Variants in FCHSD2 observed in about 807,000 individuals in gnomAD.
FCHSD2 encodes the protein FCH and double SH3 domains 2, also known as F-BAR and double SH3 domains protein 2.
FCHSD2 carries 38 observed loss-of-function variants against 108.1 expected under a neutral mutation model. The ratio of observed to expected loss-of-function variants is 0.35; its 90% CI spans 0.27 to 0.46. FCHSD2 has a LOEUF of 0.46. Ranked by LOEUF, FCHSD2 falls within the 20% of genes least tolerant of loss-of-function variation. The pLI is 1.00. For missense variants in FCHSD2, 751 were observed against 897.8 expected (o/e 0.84, Z 2.09); for synonymous variants, 279 against 314.7 (o/e 0.89, Z 1.20).
chr11:73,005,902 CT>C (rs56872243), intron 4 of FCHSD2, among the ~76,000 whole-genome samples: 6,134 of 125,648 alleles, frequency 0.049, 190 homozygotes, highest in African/African-American at 0.094. Flanking sequence ...TATTCCTAAA[CT>C]TTTTTTTTTT....
intron 3 of FCHSD2, among the ~76,000 whole-genome samples, chr11:73,023,502 T>C (rs1327459765): frequency 3.3e-5 from 5 of 152,192 alleles, no homozygotes; most frequent in African/African-American, 2.4e-5. Context: ...TACACATGTA[T>C]TAGAATGCTA....
At chr11:73,038,849 T>C (rs1858562417) in intron 3 of FCHSD2, among the ~76,000 whole-genome samples, 1 of 152,106 alleles carries the variant, frequency 6.6e-6, no homozygotes, top group Non-Finnish European at 1.5e-5. Context: ...AAAATAAAAG[T>C]TGAAAAAAAA....
rs74593893 is a variant in FCHSD2, at chr11:72,897,751, C to T, written c.924+4792G>A. Among the ~76,000 whole-genome samples, 140 of 152,290 alleles carry T rather than the reference C, an allele frequency of 9.2e-4. 1 individual carries two copies. The highest frequency in any genetic ancestry group is 2.1e-3 in the South Asian group (10 of 4,828). On this transcript the variant is annotated intron_variant, in intron 10 of 19. Transcript: ENST00000409418. Reference sequence around the variant, plus strand: ...TGATCCATGTGTCAGCTGAATGACTCTAACATTGAGATCCTAATAAATGTG... The same window carrying T: ...TGATCCATGTGTCAGCTGAATGACTTTAACATTGAGATCCTAATAAATGTG...
At chr11:72,917,486 G>GT (rs1855897413) in intron 9 of FCHSD2, among the ~76,000 whole-genome samples, 1 of 152,106 alleles carries the variant, frequency 6.6e-6, no homozygotes. Flanking sequence ...CTTTACTACT[G>GT]TAACTTTATA....
chr11:72,932,210 G>C (rs556337846), intron 8 of FCHSD2, among the ~76,000 whole-genome samples: 1 of 152,034 alleles, frequency 6.6e-6, no homozygotes, highest in Admixed American at 6.6e-5. Context: ...CCCTCCTCCT[G>C]ATCTCCACAG....
intron 2 of FCHSD2, among the ~76,000 whole-genome samples, chr11:73,090,257 G>A (rs1478929081): frequency 8.6e-6 from 1 of 115,640 alleles, no homozygotes; most frequent in Non-Finnish European, 1.6e-5. Flanking sequence ...ACGGAGTCTC[G>A]CTCTGTCGCC....
intron 3 of FCHSD2, chr11:73,077,610 T>C: frequency 2.3e-6 from 1 of 434,038 alleles, no homozygotes; most frequent in South Asian, 1.7e-5. Context: ...AAAACAGAAA[T>C]AACTCACATG....
intron 8 of FCHSD2, among the ~76,000 whole-genome samples, chr11:72,951,385 T>C (rs1386044099): frequency 1.3e-5 from 2 of 152,186 alleles, no homozygotes; most frequent in East Asian, 1.9e-4. Context: ...ATCTGGCATA[T>C]GATAACACAG....
intron 4 of FCHSD2, among the ~76,000 whole-genome samples, chr11:73,012,842 CA>C (rs1292554623): frequency 6.6e-6 from 1 of 152,116 alleles, no homozygotes; most frequent in African/African-American, 2.4e-5. Context: ...TTGACAAACA[CA>C]AAAAACAAAA....
intron 2 of FCHSD2, among the ~76,000 whole-genome samples, chr11:73,127,022 T>C (rs1189466792): frequency 6.6e-6 from 1 of 152,176 alleles, no homozygotes. Context: ...TGGGATGGAA[T>C]AAGACTCTGT....
At chr11:72,979,406 A>G (rs1326984570) in intron 8 of FCHSD2, among the ~76,000 whole-genome samples, 1 of 152,194 alleles carries the variant, frequency 6.6e-6, no homozygotes, top group East Asian at 1.9e-4. Context: ...TAATAATGGG[A>G]AGTTCCAGAA....
chr11:73,087,212 A>T (rs761184907), intron 2 of FCHSD2, among the ~76,000 whole-genome samples: 1 of 152,216 alleles, frequency 6.6e-6, no homozygotes, highest in Non-Finnish European at 1.5e-5. Flanking sequence ...AAAAAATTTT[A>T]AAAGTACAAA....
At chr11:73,111,102 A>G (rs1860473445) in intron 2 of FCHSD2, among the ~76,000 whole-genome samples, 1 of 152,124 alleles carries the variant, frequency 6.6e-6, no homozygotes, top group South Asian at 2.1e-4. Context: ...CATATGGTCT[A>G]TGCTTGAGAA....
intron 2 of FCHSD2, among the ~76,000 whole-genome samples, chr11:73,113,767 G>A (rs1860546139): frequency 2.6e-5 from 4 of 152,180 alleles, no homozygotes; most frequent in Admixed American, 2.6e-4. Flanking sequence ...GAAGAAACTT[G>A]GGTGTTGTAA....
chr11:72,957,065 G>T (rs1856726759), intron 8 of FCHSD2, among the ~76,000 whole-genome samples: 1 of 150,664 alleles, frequency 6.6e-6, no homozygotes, highest in Admixed American at 6.6e-5. Flanking sequence ...TAAGTTTTAG[G>T]GTACATGTGC....
chr11:72,868,617 G>A (rs1363033599), intron 12 of FCHSD2, among the ~76,000 whole-genome samples: 2 of 152,090 alleles, frequency 1.3e-5, no homozygotes, highest in African/African-American at 4.8e-5. Flanking sequence ...CTTGAACCCA[G>A]GAAGGGGAAG....
Position 73,142,039 on chromosome 11 carries a change from A to G in FCHSD2, c.-162T>C. 1.6e-6 allele frequency: 1 copy of G among 628,746 alleles called. No homozygotes were observed. Among genetic ancestry groups the G allele is most frequent in the African/African-American group, 1.9e-5 (1 of 52,446 alleles). The allele number at this position is 628,746 out of a possible 1,614,324, so 38.9% of individuals were successfully genotyped here. On this transcript the variant is annotated 5_prime_UTR_variant, in exon 1 of 20. Transcript: ENST00000409418. ...CGGAGGGAGCAGGCCAGCGGGCGGC[A>G]GGCGGACCCCAGCCAGAGAGCGAGT...
At chr11:72,887,635 A>C in intron 11 of FCHSD2, 61 bp from the exon 12 acceptor site, 1 of 1,057,432 alleles carries the variant, frequency 9.5e-7, no homozygotes, top group Middle Eastern at 2.1e-4. Context: ...TCCTTAAGTG[A>C]TTAAAGTATT....
Position 73,015,972 on chromosome 11 carries a change from C to A in FCHSD2, c.166-87G>T, listed in dbSNP as rs1182192704. On this transcript the variant is annotated intron_variant, in intron 3 of 19. Coordinates refer to ENST00000409418, the MANE Select transcript of FCHSD2 (RefSeq NM_014824.3). Reference sequence around the variant, plus strand: ...TTAAAATACATGACTTAGAAAATCTCATTTTTCCAAATGTAAATTTAATTC... The same window carrying A: ...TTAAAATACATGACTTAGAAAATCTAATTTTTCCAAATGTAAATTTAATTC... 8.3e-6 allele frequency: 6 copies of A among 726,634 alleles called. No individual in the cohort carries two copies. In the African/African-American group the frequency reaches 9.2e-5, roughly 11 times the overall value. The allele number at this position is 726,634 out of a possible 1,614,324, so 45.0% of individuals were successfully genotyped here. A position where few individuals can be genotyped will look rare whatever the true frequency, so the allele number is the denominator to read the frequency against.
Sources: allele counts gnomAD v4.1 joint callset (sites outside exome capture counted in the v4.1 genomes callset), GRCh38; gene constraint gnomAD v4.1.1; transcripts MANE v1.5; gene names NCBI Gene and HGNC (gene_info 2026-07-23, HGNC 2026-07-21).